The following SEC14L1 variants were observed in gnomAD, a reference collection of about 807,000 sequenced individuals.
The protein encoded by SEC14L1 is SEC14 like lipid binding 1.
In SEC14L1, 48 loss-of-function variants were observed where a neutral mutation model predicts 85.3. The observed-to-expected ratio is 0.56, with a 90% CI of 0.45 to 0.72. SEC14L1 has a LOEUF of 0.72. Among genes scored for constraint, SEC14L1 ranks in the 30% least tolerant of loss-of-function variants. The pLI is 0.00. For synonymous variants in SEC14L1, 391 were observed against 355.5 expected, an observed-to-expected ratio of 1.10 and a Z score of -1.12; for missense variants, 682 against 921.4, an observed-to-expected ratio of 0.74 and a Z score of 3.36.
intron 3 of SEC14L1, among the ~76,000 whole-genome samples, chr17:77,146,427 T>C (rs1973309241): frequency 6.6e-6 from 1 of 152,192 alleles, no homozygotes; most frequent in African/African-American, 2.4e-5. Context: ...CTTCCTTATT[T>C]CCCTTACTTC....
At chr17:77,124,475 T>A (rs1013991287) in intron 3 of SEC14L1, among the ~76,000 whole-genome samples, 1 of 152,198 alleles carries the variant, frequency 6.6e-6, no homozygotes. Context: ...CTTAGCTGTG[T>A]ATCACTGGGT....
At chr17:77,151,853 C>T (rs1208493155) in intron 3 of SEC14L1, among the ~76,000 whole-genome samples, 1 of 152,150 alleles carries the variant, frequency 6.6e-6, no homozygotes, top group African/African-American at 2.4e-5. Flanking sequence ...ACAAAACAAA[C>T]TCTTGCCAAT....
intron 8 of SEC14L1, among the ~76,000 whole-genome samples, chr17:77,199,894 C>T (rs190097962): frequency 6.6e-6 from 1 of 152,304 alleles, no homozygotes; most frequent in East Asian, 1.9e-4. Flanking sequence ...TCAGGCCAGA[C>T]ATGGTGGCTC....
intron 3 of SEC14L1, among the ~76,000 whole-genome samples, chr17:77,157,790 T>C (rs1267242987): frequency 6.6e-6 from 1 of 152,134 alleles, no homozygotes; most frequent in Non-Finnish European, 1.5e-5. Flanking sequence ...CCTCCCAAAG[T>C]ATTGGGATTA....
chr17:77,178,171 G>A (rs953791447), intron 3 of SEC14L1, among the ~76,000 whole-genome samples: 8 of 149,886 alleles, frequency 5.3e-5, no homozygotes, highest in Admixed American at 2.0e-4. Context: ...GCTGTATTTA[G>A]TAGCAGCTTC....
intron 14 of SEC14L1, 53 bp from the exon 15 acceptor site, chr17:77,211,897 A>C: frequency 1.3e-6 from 2 of 1,598,886 alleles, no homozygotes; most frequent in South Asian, 2.2e-5. Context: ...CGCTCGCAGC[A>C]TGCCGGCCTG....
chr17:77,179,042 TTCTC>T (rs990231053), intron 3 of SEC14L1, among the ~76,000 whole-genome samples: 1 of 152,224 alleles, frequency 6.6e-6, no homozygotes, highest in Non-Finnish European at 1.5e-5. Flanking sequence ...TGAAGTTTCT[TTCTC>T]CTGTCCTCTA....
At chr17:77,118,981 C>T (rs1449041228) in intron 3 of SEC14L1, among the ~76,000 whole-genome samples, 1 of 152,258 alleles carries the variant, frequency 6.6e-6, no homozygotes, top group African/African-American at 2.4e-5. Context: ...TCTCAGAAAA[C>T]AAACCTCTGC....
At chr17:77,197,674 GTCTTGGGTC>G (rs1357787101) in intron 8 of SEC14L1, among the ~76,000 whole-genome samples, 2 of 151,780 alleles carry the variant, frequency 1.3e-5, no homozygotes, top group Non-Finnish European at 2.9e-5. Flanking sequence ...GGCTGGTGCA[GTCTTGGGTC>G]ACTACAATCT....
At chr17:77,140,097 G>A (rs992736086), upstream of SEC14L1, among the ~76,000 whole-genome samples, 20 of 152,222 alleles carry the variant, frequency 1.3e-4, no homozygotes, top group African/African-American at 4.6e-4. Flanking sequence ...TTGCTGTGTG[G>A]GTGGGCATGC....
intron 3 of SEC14L1, among the ~76,000 whole-genome samples, chr17:77,125,490 A>G (rs191530582): frequency 8.6e-5 from 13 of 150,890 alleles, no homozygotes; most frequent in Admixed American, 8.6e-4. Context: ...GAGCTATGCT[A>G]TAAATCACAG....
intron 3 of SEC14L1, among the ~76,000 whole-genome samples, chr17:77,124,872 G>T (rs1972395919): frequency 6.6e-6 from 1 of 152,060 alleles, no homozygotes; most frequent in Non-Finnish European, 1.5e-5. Flanking sequence ...AATTAAGGTG[G>T]GGGATCTGAT....
Position 77,213,755 on chromosome 17 carries a change from T to C in SEC14L1, c.2043-163T>C. ...CTGCGTGCAGGCTGTGGGAAGCCGG[T>C]CCCCCTGGTGGGTTACTCATGTCCA... On this transcript the variant is annotated intron_variant, in intron 16 of 16. Transcript: ENST00000436233. This position sits in a 1 kb window ranked among gnomAD's most constrained non-coding sequence, Gnocchi z 7.1. 1.0e-6 allele frequency: 1 copy of C among 970,834 alleles called. No individual in the cohort carries two copies. Among genetic ancestry groups the C allele is most frequent in the Non-Finnish European group, 1.6e-6 (1 of 625,542 alleles). The allele number at this position is 970,834 out of a possible 1,614,324, so 60.1% of individuals were successfully genotyped here.
At chr17:77,201,723 AC>A (rs780815389) in intron 9 of SEC14L1, among the ~76,000 whole-genome samples, 8 of 152,204 alleles carry the variant, frequency 5.3e-5, no homozygotes, top group Non-Finnish European at 1.0e-4. Context: ...TGCAGGAATT[AC>A]AGGCGTGAGC....
chr17:77,137,154 C>G (rs1972824128), upstream of SEC14L1, among the ~76,000 whole-genome samples: 1 of 152,182 alleles, frequency 6.6e-6, no homozygotes, highest in African/African-American at 2.4e-5. Context: ...GGGGATCCAC[C>G]TGCCTTGGCC....
intron 3 of SEC14L1, among the ~76,000 whole-genome samples, chr17:77,158,974 T>C (rs1051136345): frequency 1.3e-5 from 2 of 150,588 alleles, no homozygotes; most frequent in African/African-American, 4.9e-5. Context: ...CCCGGCTAAT[T>C]TTTGTAATTT....
intron 3 of SEC14L1, among the ~76,000 whole-genome samples, chr17:77,161,475 G>A (rs148980079): frequency 0.017 from 2,581 of 152,034 alleles, 54 homozygotes; most frequent in Admixed American, 0.042. Flanking sequence ...TCCAGCCTGG[G>A]CAATAAAATG....
At chr17:77,118,637 C>T (rs894353662) in intron 3 of SEC14L1, among the ~76,000 whole-genome samples, 7 of 152,206 alleles carry the variant, frequency 4.6e-5, no homozygotes, top group South Asian at 2.1e-4. Flanking sequence ...AGGAAAGCCT[C>T]GGCCCCAACC....
chr17:77,106,385 A>C (rs1354103480), intron 3 of SEC14L1, among the ~76,000 whole-genome samples: 1 of 152,010 alleles, frequency 6.6e-6, no homozygotes, highest in African/African-American at 2.4e-5. Context: ...TACAAAAATT[A>C]GCTGGACGTG....
Sources: allele counts gnomAD v4.1 joint callset (sites outside exome capture counted in the v4.1 genomes callset), GRCh38; gene constraint gnomAD v4.1.1; non-coding constraint Gnocchi (gnomAD v3.1); transcripts MANE v1.5; gene names NCBI Gene and HGNC (gene_info 2026-07-23, HGNC 2026-07-21).